SCARA5: variants seen among roughly 807,000 people sequenced by gnomAD.
SCARA5 encodes the protein scavenger receptor class A member 5.
A neutral mutation model predicts 46.3 loss-of-function variants in SCARA5; 45 were observed. That is an observed-to-expected ratio of 0.97 (90% confidence interval 0.76 to 1.24). The LOEUF is 1.24. Among genes scored for constraint, SCARA5 ranks in the 50% most tolerant of loss-of-function variants. The probability of loss-of-function intolerance (pLI) is 0.00; values close to 1 mark genes in which losing one functional copy is unlikely to be tolerated. For missense variants in SCARA5, 680 were observed against 689.0 expected (o/e 0.99, Z 0.15); for synonymous variants, 333 against 306.5 (o/e 1.09, Z -0.90).
intron 7 of SCARA5, among the ~76,000 whole-genome samples, chr8:27,895,769 G>A (rs1201933630): frequency 6.6e-6 from 1 of 152,130 alleles, no homozygotes; most frequent in Admixed American, 6.5e-5. Flanking sequence ...ACTATCTCCC[G>A]CATTGTCACT....
intron 3 of SCARA5, among the ~76,000 whole-genome samples, chr8:27,945,929 A>T (rs1376896188): frequency 6.6e-6 from 1 of 152,244 alleles, no homozygotes; most frequent in Non-Finnish European, 1.5e-5. Context: ...GACCGTGGTG[A>T]ACGCTAGTGT....
intron 2 of SCARA5, among the ~76,000 whole-genome samples, chr8:27,969,018 A>G (rs1194358976): frequency 6.6e-6 from 1 of 152,194 alleles, no homozygotes; most frequent in East Asian, 1.9e-4. Context: ...TTTTAAATAG[A>G]ACATAATGAG....
Position 27,871,922 on chromosome 8 carries a change from C to G in SCARA5, c.*12G>C. The G allele has an allele frequency of 3.1e-6, 5 of 1,613,928 alleles. No homozygotes were observed. Among genetic ancestry groups the G allele is most frequent in the Non-Finnish European group, 4.2e-6 (5 of 1,180,038 alleles). On this transcript the variant is annotated 3_prime_UTR_variant, in exon 9 of 9. Coordinates refer to ENST00000354914, the MANE Select transcript of SCARA5 (RefSeq NM_173833.6). ...CTCTGTGCAGGACCCCGAACTTGGG[C>G]TCTGCCCACTTTCAGTGTCTGTTGC...
chr8:27,913,812 T>C (rs753952599), intron 4 of SCARA5, among the ~76,000 whole-genome samples: 3 of 152,224 alleles, frequency 2.0e-5, no homozygotes, highest in Non-Finnish European at 4.4e-5. Flanking sequence ...TCACTCACGA[T>C]CTGACCCCTT....
At chr8:27,934,302 A>T (rs751668603) in intron 3 of SCARA5, among the ~76,000 whole-genome samples, 4 of 152,208 alleles carry the variant, frequency 2.6e-5, no homozygotes, top group Non-Finnish European at 4.4e-5. Flanking sequence ...AAAATTGCCC[A>T]CTTCAGGGTC....
chr8:27,938,202 C>T (rs930789548), intron 3 of SCARA5, among the ~76,000 whole-genome samples: 1 of 152,200 alleles, frequency 6.6e-6, no homozygotes, highest in South Asian at 2.1e-4. Flanking sequence ...ACTGATGCCA[C>T]CCTTGGCTAA....
chr8:27,888,828 C>A (rs1411290280), intron 7 of SCARA5, among the ~76,000 whole-genome samples: 1 of 152,224 alleles, frequency 6.6e-6, no homozygotes, highest in Non-Finnish European at 1.5e-5. Context: ...CCTGGTTTCA[C>A]TGTGTAACCC....
At chr8:27,887,878 T>G (rs1321538379) in intron 7 of SCARA5, among the ~76,000 whole-genome samples, 1 of 152,168 alleles carries the variant, frequency 6.6e-6, no homozygotes, top group Non-Finnish European at 1.5e-5. Context: ...AAAGCAATAG[T>G]CAAAGAAGTT....
At chr8:27,974,946 T>C (rs1808501065) in intron 2 of SCARA5, among the ~76,000 whole-genome samples, 1 of 152,110 alleles carries the variant, frequency 6.6e-6, no homozygotes, top group Non-Finnish European at 1.5e-5. Flanking sequence ...TCTAAAGCTC[T>C]TGGGATTTCC....
intron 3 of SCARA5, among the ~76,000 whole-genome samples, chr8:27,930,898 C>T (rs1364925887): frequency 6.6e-6 from 1 of 152,146 alleles, no homozygotes; most frequent in African/African-American, 2.4e-5. Flanking sequence ...AGGTGAGTAT[C>T]AGACTTCACA....
chr8:27,874,939 A>C (rs1186006983), intron 8 of SCARA5, among the ~76,000 whole-genome samples: 1 of 152,100 alleles, frequency 6.6e-6, no homozygotes, highest in Non-Finnish European at 1.5e-5. Context: ...CCAATTTAAA[A>C]TTTAGAACAT....
chr8:27,927,502 C>T (rs959829790), intron 3 of SCARA5, among the ~76,000 whole-genome samples: 1 of 152,014 alleles, frequency 6.6e-6, no homozygotes, highest in Non-Finnish European at 1.5e-5. Context: ...GGTTTTTTCC[C>T]ACCTAATATT....
intron 3 of SCARA5, among the ~76,000 whole-genome samples, chr8:27,929,442 T>C (rs553970253): frequency 6.6e-6 from 1 of 152,294 alleles, no homozygotes; most frequent in African/African-American, 2.4e-5. Context: ...AGGGTCCTAT[T>C]TGAGATTTAG....
intron 2 of SCARA5, among the ~76,000 whole-genome samples, chr8:27,973,655 C>T (rs1338038979): frequency 2.0e-5 from 3 of 152,238 alleles, no homozygotes; most frequent in African/African-American, 7.2e-5. Context: ...CATACCAAGG[C>T]CTGAGCCTGC....
intron 7 of SCARA5, among the ~76,000 whole-genome samples, chr8:27,881,101 T>C (rs879416259): frequency 5.3e-5 from 8 of 152,342 alleles, no homozygotes; most frequent in Non-Finnish European, 1.2e-4. Flanking sequence ...GGTGGGAATG[T>C]AAATTAGTTC....
chr8:27,991,464 A>G (rs2129995903), intron 1 of SCARA5, among the ~76,000 whole-genome samples: 1 of 152,322 alleles, frequency 6.6e-6, no homozygotes, highest in Non-Finnish European at 1.5e-5. Context: ...AATGCACTCT[A>G]GGGCTGATAT....
chr8:27,969,743 A>T (rs1377209497), intron 2 of SCARA5, among the ~76,000 whole-genome samples: 1 of 152,180 alleles, frequency 6.6e-6, no homozygotes, highest in Admixed American at 6.5e-5. Flanking sequence ...GAGGCTGTGC[A>T]TGGGAAGGGT....
intron 3 of SCARA5, among the ~76,000 whole-genome samples, chr8:27,942,364 T>C (rs940107320): frequency 6.6e-5 from 10 of 152,196 alleles, no homozygotes; most frequent in Middle Eastern, 3.2e-3. Context: ...AGGTAGTTGC[T>C]TGATACTTTC....
intron 7 of SCARA5, chr8:27,903,499 T>C (rs536720793): frequency 9.8e-5 from 15 of 152,332 alleles, no homozygotes; most frequent in African/African-American, 3.6e-4. Context: ...TGGCCATTAG[T>C]GTTCTTCTAG....
Sources: allele counts gnomAD v4.1 joint callset (sites outside exome capture counted in the v4.1 genomes callset), GRCh38; gene constraint gnomAD v4.1.1; transcripts MANE v1.5; gene names NCBI Gene and HGNC (gene_info 2026-07-23, HGNC 2026-07-21).